TBX2: variants seen among roughly 807,000 people sequenced by gnomAD.
The protein encoded by TBX2 is T-box transcription factor 2.
Under a neutral mutation model 48.4 loss-of-function variants are expected in TBX2, and 19 were observed. The ratio of observed to expected loss-of-function variants is 0.39; its 90% confidence interval spans 0.27 to 0.58. The LOEUF (loss-of-function observed/expected upper bound fraction) is 0.58, where lower values mean the gene tolerates loss of function less well. TBX2 is among the 20% of genes least tolerant of loss of function. The pLI, the probability that TBX2 is intolerant of heterozygous loss-of-function variation, is 0.54. For synonymous variants in TBX2, 522 were observed against 459.7 expected (o/e 1.14, Z -1.73); for missense variants, 994 against 1,006.5 (o/e 0.99, Z 0.17).
At position 61,400,266 on chromosome 17, in the gene TBX2, G is replaced by A; in HGVS notation, c.90G>A (p.Leu30=). ...RPADFPMSAF[L]AAAQPSFFPA... ...CCGACTTCCCCATGTCCGCCTTTCTGGCGGCGGCGCAGCCCTCCTTCTTCC... is the reference window on the plus strand; with the variant it reads ...CCGACTTCCCCATGTCCGCCTTTCTAGCGGCGGCGCAGCCCTCCTTCTTCC... The change falls in exon 1 of 7, where the codon CTG becomes CTA. Residue 30 remains leucine, a synonymous_variant. Transcript: ENST00000240328. This position sits in a 1 kb window ranked among gnomAD's most constrained non-coding sequence, Gnocchi z 9.2. The A allele has an allele frequency of 8.3e-7, 1 of 1,198,082 alleles. No individual in the cohort carries two copies. Among genetic ancestry groups the A allele is most frequent in the Non-Finnish European group, 1.1e-6 (1 of 942,154 alleles). 74.2% of individuals were successfully genotyped at this position (1,198,082 alleles called of 1,614,324 possible). A position where few individuals can be genotyped will look rare whatever the true frequency, so the allele number is the denominator to read the frequency against.
chr17:61,407,296 T>C (rs986983446), intron 6 of TBX2: 1 of 152,142 alleles, frequency 6.6e-6, no homozygotes, highest in South Asian at 2.1e-4. Context: ...GGGAGCCCAG[T>C]GCAATCATCA....
chr17:61,399,917 A>C lies in TBX2; in HGVS notation c.-260A>C, dbSNP rs1257787475. On this transcript the variant is annotated 5_prime_UTR_variant, in exon 1 of 7. Transcript: ENST00000240328. The surrounding 1 kb of genome is among the most constrained non-coding windows in gnomAD (Gnocchi z 4.7). ...TTTCCAGAGATCACGACAAGATCTAACCAGTCGCGCGTGGTCCCCGGCGCC... is the reference window on the plus strand; with the variant it reads ...TTTCCAGAGATCACGACAAGATCTACCCAGTCGCGCGTGGTCCCCGGCGCC... 2 of 151,632 alleles carry C rather than the reference A, an allele frequency of 1.3e-5. No individual in the cohort carries two copies. Among genetic ancestry groups the C allele is most frequent in the African/African-American group, 4.8e-5 (2 of 41,348 alleles). The allele number at this position is 151,632 out of a possible 1,614,324, so 9.4% of individuals were successfully genotyped here. A position where few individuals can be genotyped will look rare whatever the true frequency, so the allele number is the denominator to read the frequency against.
At chr17:61,402,949 A>T in intron 2 of TBX2, 112 bp from the exon 3 acceptor site, 1 of 1,019,158 alleles carries the variant, frequency 9.8e-7, no homozygotes, top group Non-Finnish European at 1.3e-6. Flanking sequence ...AGAGAGAGAG[A>T]GAGAGAGAGA....
Position 61,400,199 on chromosome 17 carries a change from C to T in TBX2, c.23C>T (p.Ala8Val), listed in dbSNP as rs2060257794. 17 of 1,162,174 alleles carry T rather than the reference C, an allele frequency of 1.5e-5. No homozygotes were observed. The highest frequency in any genetic ancestry group is 1.7e-5 in the Non-Finnish European group (16 of 925,866). 72.0% of individuals were successfully genotyped at this position (1,162,174 alleles called of 1,614,324 possible). Residue 8 changes from alanine (A) to valine (V), a missense_variant, in exon 1 of 7, where the codon GCC (alanine) becomes GTC (valine). Physicochemically the swap from Ala to Val is moderately conservative, Grantham distance 64 (BLOSUM62 0). Around this residue, in one of 5 missense-constraint regions of TBX2, gnomAD observed 165 missense variants for 136.8 expected, o/e 1.21. Transcript: ENST00000240328. This position sits in a 1 kb window ranked among gnomAD's most constrained non-coding sequence, Gnocchi z 9.2. The stretch of plus-strand genomic sequence containing the variant: ...CCGATGAGAGAGCCGGCGCTGGCGG[C>T]CAGCGCCATGGCTTACCACCCGTTC... MREPALA[A>V]SAMAYHPFHA...
At position 61,403,592 on chromosome 17, in the gene TBX2, C is replaced by A. The variant is rs888833976; in HGVS notation, c.810+385C>A. 6.6e-6 allele frequency among the ~76,000 whole-genome samples: 1 copy of A among 151,930 alleles called. No homozygotes were observed. Among genetic ancestry groups the A allele is most frequent in the Non-Finnish European group, 1.5e-5 (1 of 68,024 alleles). ...CCCGAGGCAATCTGCCCAGGCTCTA[C>A]CGATGCTCAGAACCCGGGGCCCAGT... On this transcript the variant is annotated intron_variant, in intron 3 of 6. Coordinates refer to ENST00000240328, the MANE Select transcript of TBX2 (RefSeq NM_005994.4). This position sits in a 1 kb window ranked among gnomAD's most constrained non-coding sequence, Gnocchi z 5.8.
At position 61,408,671 on chromosome 17, in the gene TBX2, TCCCTGGG is replaced by T; in HGVS notation, c.*168_*174del. On this transcript the variant is annotated 3_prime_UTR_variant, in exon 7 of 7. Transcript: ENST00000240328. Reference sequence around the variant, plus strand: ...CTGGCAAGTCGGGGCCTGGGACACTTCCCTGGGCCTCAACAAGGATCAGGCTGCTGGA... The same window carrying T: ...CTGGCAAGTCGGGGCCTGGGACACTTCCTCAACAAGGATCAGGCTGCTGGA... The T allele has an allele frequency of 1.7e-6, 1 of 577,872 alleles. No homozygotes were observed. Among genetic ancestry groups the T allele is most frequent in the Non-Finnish European group, 2.7e-6 (1 of 370,636 alleles). 35.8% of individuals were successfully genotyped at this position (577,872 alleles called of 1,614,324 possible).
chr17:61,404,001 G>A (rs916013104), intron 3 of TBX2, among the ~76,000 whole-genome samples: 1 of 152,198 alleles, frequency 6.6e-6, no homozygotes, highest in Non-Finnish European at 1.5e-5. Flanking sequence ...GCACACTTGC[G>A]TGTGTGCGAG....
chr17:61,402,815 T>A (rs1209273220), intron 2 of TBX2, among the ~76,000 whole-genome samples: 1 of 151,708 alleles, frequency 6.6e-6, no homozygotes, highest in Non-Finnish European at 1.5e-5. Flanking sequence ...TTTTTTTTAA[T>A]GGCAAGAGAA....
rs1437689759 is a variant in TBX2, at chr17:61,408,269, T to G, written c.1902T>G (p.Thr634=). 6.2e-7 allele frequency: 1 copy of G among 1,612,648 alleles called. No individual in the cohort carries two copies. The highest frequency in any genetic ancestry group is 2.2e-5 in the East Asian group (1 of 44,866). The change falls in exon 7 of 7, where the codon ACT becomes ACG. Residue 634 remains threonine, a synonymous_variant. Coordinates refer to ENST00000240328, the MANE Select transcript of TBX2 (RefSeq NM_005994.4). ...YQIPVTIPPS[T]SLLTTGLASE... is the part of the protein sequence containing the mutation. ...TCCCGGTCACCATCCCGCCTAGCAC[T>G]AGCCTCCTCACCACCGGGCTGGCCT...
intron 6 of TBX2, 102 bp from the exon 7 acceptor site, chr17:61,407,952 C>A (rs569985165): frequency 1.4e-6 from 2 of 1,402,960 alleles, no homozygotes; most frequent in East Asian, 2.3e-5. Flanking sequence ...GTTTTACATC[C>A]CTAAAACAGA....
Position 61,408,523 on chromosome 17 carries a change from T to C in TBX2, c.*17T>C. 7.0e-7 allele frequency: 1 copy of C among 1,431,816 alleles called. No homozygotes were observed. The highest frequency in any genetic ancestry group is 1.5e-5 in the South Asian group (1 of 66,112). The allele number at this position is 1,431,816 out of a possible 1,614,324, so 88.7% of individuals were successfully genotyped here. The stretch of plus-strand genomic sequence containing the variant: ...CCCAAGTGAGGGGCTGCCCAGCTGC[T>C]CCCCTGCCACGCAGGCCACCCGGGC... On this transcript the variant is annotated 3_prime_UTR_variant, in exon 7 of 7. Transcript: ENST00000240328.
In TBX2 at chr17:61,400,042, A is replaced by C; in HGVS notation, c.-135A>C. 3.6e-6 allele frequency: 1 copy of C among 274,358 alleles called. No individual in the cohort carries two copies. Among genetic ancestry groups the C allele is most frequent in the Non-Finnish European group, 5.5e-6 (1 of 181,516 alleles). The allele number at this position is 274,358 out of a possible 1,614,324, so 17.0% of individuals were successfully genotyped here. On this transcript the variant is annotated 5_prime_UTR_variant, in exon 1 of 7. Coordinates refer to ENST00000240328, the MANE Select transcript of TBX2 (RefSeq NM_005994.4). This position sits in a 1 kb window ranked among gnomAD's most constrained non-coding sequence, Gnocchi z 9.2. The stretch of plus-strand genomic sequence containing the variant: ...GCCCCTTGCGGTGCGCCGGACGGGA[A>C]GCCCCGAGGAGCAGCTGCTGCGCCC...
rs376284632 is a variant in TBX2 at position 61,404,671 on chromosome 17, C to A, written c.953C>A (p.Ala318Glu). The change falls in exon 5 of 7, where the codon GCG (alanine) becomes GAG (glutamate). Residue 318 changes from alanine to glutamate, a missense_variant. Around this residue, in one of 5 missense-constraint regions of TBX2, gnomAD observed 639 missense variants for 613.2 expected, o/e 1.04. Coordinates refer to ENST00000240328, the MANE Select transcript of TBX2 (RefSeq NM_005994.4). ...CACTGCAAACCCGAGCGCGATGGCGCGGAGTCAGACGCCTCGTCGTGCGAC... is the reference window on the plus strand; with the variant it reads ...CACTGCAAACCCGAGCGCGATGGCGAGGAGTCAGACGCCTCGTCGTGCGAC... Reference protein sequence around the residue: ...EEHCKPERDGAESDASSCDPP... With the variant: ...EEHCKPERDGEESDASSCDPP... 1.6e-4 allele frequency: 247 copies of A among 1,586,758 alleles called. No homozygotes were observed. The highest frequency in any genetic ancestry group is 1.9e-4 in the Non-Finnish European group (224 of 1,167,038).
chr17:61,402,081 G>A, intron 2 of TBX2, 130 bp downstream of exon 2: 1 of 1,363,580 alleles, frequency 7.3e-7, no homozygotes, highest in Non-Finnish European at 9.7e-7. Context: ...CCCCTGCCCG[G>A]GTCACTGCCC....
At position 61,408,372 on chromosome 17, in the gene TBX2, G is replaced by A; in HGVS notation, c.2005G>A (p.Ala669Thr). 3 of 1,573,268 alleles carry A rather than the reference G, an allele frequency of 1.9e-6. No homozygotes were observed. The highest frequency in any genetic ancestry group is 8.6e-7 in the Non-Finnish European group (1 of 1,160,490). ...CGAGCTGGCTCTCCGCAAAGTAGGG[G>A]CCCCATCCCGCGGTGCCCTGTCGCC... is the stretch of plus-strand genomic sequence containing the variant. ...LPELALRKVG[A>T]PSRGALSPSG... is the part of the protein sequence containing the mutation. Residue 669 changes from alanine to threonine, a missense_variant, in exon 7 of 7, where the codon GCC (alanine) becomes ACC (threonine). Coordinates refer to ENST00000240328, the MANE Select transcript of TBX2 (RefSeq NM_005994.4).
Position 61,408,616 on chromosome 17 carries a change from T to C in TBX2, c.*110T>C, listed in dbSNP as rs1195309016. The stretch of plus-strand genomic sequence containing the variant: ...TATTTATTTAAATAAAGGAGAAAAG[T>C]GGGCTGCAGCAGCCGGAATAGAGCC... On this transcript the variant is annotated 3_prime_UTR_variant, in exon 7 of 7. Transcript: ENST00000240328. 4 of 1,103,850 alleles carry C rather than the reference T, an allele frequency of 3.6e-6. No individual in the cohort carries two copies. The highest frequency in any genetic ancestry group is 4.7e-6 in the Non-Finnish European group (4 of 843,444). The allele number at this position is 1,103,850 out of a possible 1,614,324, so 68.4% of individuals were successfully genotyped here.
rs2060260615 is a variant in TBX2, at chr17:61,400,672, TC to T, written c.395+104del. 1 of 1,204,690 alleles carries T rather than the reference TC, an allele frequency of 8.3e-7. No individual in the cohort carries two copies. Among genetic ancestry groups the T allele is most frequent in the East Asian group, 3.1e-5 (1 of 32,696 alleles). The allele number at this position is 1,204,690 out of a possible 1,614,324, so 74.6% of individuals were successfully genotyped here. ...GAGCTGGGGACTCCCGGCTCCCGGC[TC>T]CCGGCTCCAGGTTCTGGCCCTGACG... On this transcript the variant is annotated intron_variant, in intron 1 of 6. Coordinates refer to ENST00000240328, the MANE Select transcript of TBX2 (RefSeq NM_005994.4). This position sits in a 1 kb window ranked among gnomAD's most constrained non-coding sequence, Gnocchi z 9.2.
At position 61,405,788 on chromosome 17, in the gene TBX2, C is replaced by T; in HGVS notation, c.1638C>T (p.Thr546=). The change falls in exon 6 of 7, where the codon ACC becomes ACT. Residue 546 remains threonine, a synonymous_variant. Transcript: ENST00000240328. ...GLGPAASAAS[T]AAPFPFHLSQ... is the part of the protein sequence containing the mutation. ...GTCCCGCGGCCAGCGCAGCAAGCAC[C>T]GCCGCGCCCTTCCCGTTCCACCTCT... is the stretch of plus-strand genomic sequence containing the variant. 3 of 1,323,144 alleles carry T rather than the reference C, an allele frequency of 2.3e-6. No individual in the cohort carries two copies. The highest frequency in any genetic ancestry group is 2.9e-6 in the Non-Finnish European group (3 of 1,043,224). The allele number at this position is 1,323,144 out of a possible 1,614,324, so 82.0% of individuals were successfully genotyped here.
At position 61,408,076 on chromosome 17, in the gene TBX2, G is replaced by T; in HGVS notation, c.1709G>T (p.Gly570Val). 1.3e-6 allele frequency: 2 copies of T among 1,591,456 alleles called. No individual in the cohort carries two copies. Among genetic ancestry groups the T allele is most frequent in the Non-Finnish European group, 1.7e-6 (2 of 1,169,588 alleles). Residue 570 changes from glycine (G) to valine (V), a missense_variant, in exon 7 of 7, where the codon GGA (glycine) becomes GTA (valine). Around this residue, in one of 5 missense-constraint regions of TBX2, gnomAD observed 639 missense variants for 613.2 expected, o/e 1.04. Transcript: ENST00000240328. ...ASQGIPMPTF[G>V]GLFPYPYTYM... ...CAGGGAATTCCAATGCCCACTTTCGGAGGCCTCTTCCCCTACCCCTACACC... is the reference window on the plus strand; with the variant it reads ...CAGGGAATTCCAATGCCCACTTTCGTAGGCCTCTTCCCCTACCCCTACACC...
Sources: allele counts gnomAD v4.1 joint callset (sites outside exome capture counted in the v4.1 genomes callset), GRCh38; gene constraint gnomAD v4.1.1; regional missense constraint gnomAD v4.1.1; non-coding constraint Gnocchi (gnomAD v3.1); transcripts MANE v1.5; gene names NCBI Gene and HGNC (gene_info 2026-07-23, HGNC 2026-07-21).